ADAMTSL1: variants seen among roughly 807,000 people sequenced by gnomAD.
ADAMTSL1 encodes the protein ADAMTS-like protein 1.
ADAMTSL1 carries 126 observed loss-of-function variants against 201.8 expected under a neutral mutation model. That is an observed-to-expected ratio of 0.62 (90% CI 0.54 to 0.72). ADAMTSL1 has a LOEUF of 0.72. ADAMTSL1 is among the 30% of genes least tolerant of loss of function. The pLI, the probability that ADAMTSL1 is intolerant of heterozygous loss-of-function variation, is 0.00. For synonymous variants in ADAMTSL1, 1,121 were observed against 903.4 expected (o/e 1.24, Z -4.32); for missense variants, 2,679 against 2,277.8 (o/e 1.18, Z -3.59).
chr9:18,701,942 G>A (rs1015305947), intron 13 of ADAMTSL1, among the ~76,000 whole-genome samples: 4 of 152,166 alleles, frequency 2.6e-5, no homozygotes, highest in Admixed American at 2.6e-4. Context: ...CTCTGAGACT[G>A]GGCAATTTAC....
chr9:18,439,461 G>A (rs903565496), intron 2 of ADAMTSL1, among the ~76,000 whole-genome samples: 4 of 152,154 alleles, frequency 2.6e-5, no homozygotes, highest in Admixed American at 6.5e-5. Flanking sequence ...CTACCTCCCT[G>A]GTTCAAGCAA....
chr9:18,329,178 A>T (rs1028086302), intron 2 of ADAMTSL1, among the ~76,000 whole-genome samples: 15 of 152,032 alleles, frequency 9.9e-5, no homozygotes, highest in African/African-American at 3.6e-4. Context: ...ACCCGTGAGG[A>T]CACAGTGAGA....
At chr9:18,757,225 C>T (rs1819822824) in intron 16 of ADAMTSL1, among the ~76,000 whole-genome samples, 1 of 152,108 alleles carries the variant, frequency 6.6e-6, no homozygotes, top group Non-Finnish European at 1.5e-5. Context: ...TATATTTAGA[C>T]AGCTTTTGAA....
intron 23 of ADAMTSL1, among the ~76,000 whole-genome samples, chr9:18,843,144 A>G (rs61430300): frequency 2.0e-5 from 3 of 150,564 alleles, no homozygotes; most frequent in Admixed American, 6.6e-5. Flanking sequence ...GGTCTTTACA[A>G]TTTGGCATGA....
intron 15 of ADAMTSL1, among the ~76,000 whole-genome samples, chr9:18,737,419 C>A (rs1818578851): frequency 6.6e-6 from 1 of 151,714 alleles, no homozygotes; most frequent in Non-Finnish European, 1.5e-5. Context: ...TATCACTTCA[C>A]CAGTGAGTCC....
At chr9:18,744,115 C>T (rs1818996746) in intron 15 of ADAMTSL1, among the ~76,000 whole-genome samples, 1 of 152,216 alleles carries the variant, frequency 6.6e-6, no homozygotes, top group Non-Finnish European at 1.5e-5. Flanking sequence ...AGTGAGATAA[C>T]ATAAACAGTC....
chr9:18,556,467 C>T (rs1157227483), intron 3 of ADAMTSL1, among the ~76,000 whole-genome samples: 1 of 151,888 alleles, frequency 6.6e-6, no homozygotes, highest in Non-Finnish European at 1.5e-5. Context: ...TTACCTTTAT[C>T]TAAGTGTAGC....
chr9:18,182,526 T>G (rs1349745983), intron 2 of ADAMTSL1, among the ~76,000 whole-genome samples: 3 of 152,178 alleles, frequency 2.0e-5, no homozygotes, highest in Non-Finnish European at 4.4e-5. Context: ...GTGGCTCTGT[T>G]TATATAAGGA....
chr9:18,056,390 C>T (rs1389585816), intron 1 of ADAMTSL1, among the ~76,000 whole-genome samples: 1 of 152,086 alleles, frequency 6.6e-6, no homozygotes, highest in Non-Finnish European at 1.5e-5. Context: ...AAATCCTGAG[C>T]CTCCAGTTAT....
At chr9:18,213,979 T>C (rs993061443) in intron 2 of ADAMTSL1, among the ~76,000 whole-genome samples, 2 of 152,074 alleles carry the variant, frequency 1.3e-5, no homozygotes, top group Non-Finnish European at 2.9e-5. Flanking sequence ...TCAGGCAATC[T>C]ACCCGCCTGG....
intron 2 of ADAMTSL1, among the ~76,000 whole-genome samples, chr9:18,221,123 A>G (rs1452786802): frequency 3.3e-5 from 5 of 152,122 alleles, no homozygotes; most frequent in Non-Finnish European, 7.4e-5. Flanking sequence ...GAAAATCTAA[A>G]TTAGTAGATA....
chr9:18,873,182 A>G (rs1047583646), intron 23 of ADAMTSL1, among the ~76,000 whole-genome samples: 1 of 151,372 alleles, frequency 6.6e-6, no homozygotes, highest in South Asian at 2.1e-4. Flanking sequence ...TGCATTCCTT[A>G]TAGATTCTGG....
In ADAMTSL1 at chr9:18,202,694, G is replaced by A. The variant is rs191453837; in HGVS notation, c.207+38713G>A. On this transcript the variant is annotated intron_variant, in intron 2 of 29. Coordinates refer to the ADAMTSL1 transcript ENST00000680146. ...CTATCCTAGCACCTGTAACACTTCCGTCCCCTTATTTATCTGCATATATGC... is the reference window on the plus strand; with the variant it reads ...CTATCCTAGCACCTGTAACACTTCCATCCCCTTATTTATCTGCATATATGC... 3.1e-4 allele frequency among the ~76,000 whole-genome samples: 47 copies of A among 152,182 alleles called. No homozygotes were observed. In the East Asian group the frequency reaches 3.5e-3, roughly 11 times the overall value.
Position 18,777,443 on chromosome 9 carries a change from G to T in ADAMTSL1, c.3214G>T (p.Val1072Leu). Reference sequence around the variant, plus strand: ...GCTCCTGCACCTGCCCTTCACCATGGTGACCGAGCAGCGGCGCCTGGACGA... The same window carrying T: ...GCTCCTGCACCTGCCCTTCACCATGTTGACCGAGCAGCGGCGCCTGGACGA... The part of the protein sequence containing the change: ...QVLLHLPFTM[V>L]TEQRRLDDIL... Residue 1072 changes from valine (V) to leucine (L), a missense_variant, in exon 19 of 29, where the codon GTG (valine) becomes TTG (leucine). Transcript: ENST00000380548. The T allele has an allele frequency of 1.9e-6, 3 of 1,598,552 alleles. No individual in the cohort carries two copies. In the South Asian group the frequency reaches 3.4e-5, roughly 18 times the overall value.
intron 2 of ADAMTSL1, among the ~76,000 whole-genome samples, chr9:18,244,695 A>G (rs927735007): frequency 3.3e-5 from 5 of 151,838 alleles, no homozygotes; most frequent in Admixed American, 6.6e-5. Flanking sequence ...GTACATTCCA[A>G]TTTTCTGATA....
At chr9:18,319,635 G>T (rs1834544201) in intron 2 of ADAMTSL1, among the ~76,000 whole-genome samples, 1 of 152,102 alleles carries the variant, frequency 6.6e-6, no homozygotes, top group East Asian at 1.9e-4. Context: ...ATCCAGGAGG[G>T]GGTCTGACCC....
At chr9:18,417,670 C>T (rs1009812837) in intron 2 of ADAMTSL1, among the ~76,000 whole-genome samples, 1 of 152,096 alleles carries the variant, frequency 6.6e-6, no homozygotes, top group African/African-American at 2.4e-5. Flanking sequence ...AACCAAAACT[C>T]ATCCAAGATT....
At chr9:18,513,347 C>T in intron 2 of ADAMTSL1, among the ~76,000 whole-genome samples, 1 of 152,324 alleles carries the variant, frequency 6.6e-6, no homozygotes, top group South Asian at 2.1e-4. Flanking sequence ...CTTCTACTGT[C>T]TGCTTCTATG....
At chr9:18,738,727 G>A (rs1818657719) in intron 15 of ADAMTSL1, among the ~76,000 whole-genome samples, 1 of 152,108 alleles carries the variant, frequency 6.6e-6, no homozygotes, top group African/African-American at 2.4e-5. Context: ...GCAAAACAAT[G>A]AAATATTGTA....
Sources: allele counts gnomAD v4.1 joint callset (sites outside exome capture counted in the v4.1 genomes callset), GRCh38; gene constraint gnomAD v4.1.1; transcripts MANE v1.5; gene names NCBI Gene and HGNC (gene_info 2026-07-23, HGNC 2026-07-21).